Variants in P3H1 observed in about 807,000 individuals in gnomAD.
The protein encoded by P3H1 is prolyl 3-hydroxylase 1.
In P3H1, 69 loss-of-function variants were observed where a neutral mutation model predicts 84.0. That is an observed-to-expected ratio of 0.82 (90% CI 0.68 to 1.00). The LOEUF is 1.00. P3H1 is among the 50% of genes least tolerant of loss of function. The probability of loss-of-function intolerance (pLI) is 0.00; values close to 1 mark genes in which losing one functional copy is unlikely to be tolerated. For synonymous variants in P3H1, 366 were observed against 388.8 expected, an observed-to-expected ratio of 0.94 and a Z score of 0.69; for missense variants, 878 against 962.8, an observed-to-expected ratio of 0.91 and a Z score of 1.17.
Position 42,747,756 on chromosome 1 carries a change from A to G in P3H1, c.1881T>C (p.Phe627=), listed in dbSNP as rs142868351. Residue 627 remains phenylalanine, a synonymous_variant, in exon 13 of 15, where the codon TTT becomes TTC. Coordinates refer to ENST00000296388, the MANE Select transcript of P3H1 (RefSeq NM_022356.4). ...YLNGDFDGGN[F]YFTELDAKTV... Reference sequence around the variant, plus strand: ...TCTTGGCATCCAGTTCAGTGAAATAAAAGTTTCCGCCATCGAAGTCCCCAT... The same window carrying G: ...TCTTGGCATCCAGTTCAGTGAAATAGAAGTTTCCGCCATCGAAGTCCCCAT... 14 of 1,614,048 alleles carry G rather than the reference A, an allele frequency of 8.7e-6. No homozygotes were observed. Among genetic ancestry groups the G allele is most frequent in the Non-Finnish European group, 1.2e-5 (14 of 1,180,034 alleles).
At chr1:42,761,286 A>G (rs746492444) in intron 2 of P3H1, 8 of 152,162 alleles carry the variant, frequency 5.3e-5, no homozygotes, top group Non-Finnish European at 8.8e-5. Context: ...TCATTCTTAT[A>G]TTGTTTCTAA....
chr1:42,750,461 A>T (rs1651974092), intron 10 of P3H1, 125 bp from the exon 11 acceptor site: 17 of 995,526 alleles, frequency 1.7e-5, no homozygotes, highest in Middle Eastern at 2.5e-4. Flanking sequence ...CTGGTGGGAG[A>T]TGACTGAATA....
rs182569260 is a variant in P3H1 at position 42,756,076 on chromosome 1, T to C, written c.1081-439A>G. 4.6e-5 allele frequency among the ~76,000 whole-genome samples: 7 copies of C among 152,312 alleles called. No homozygotes were observed. The East Asian group carries it at 1.4e-3, about 29-fold the overall frequency. On this transcript the variant is annotated intron_variant, in intron 5 of 14. Transcript: ENST00000296388. ...CTTTTATAGCCACATCTGAGGTTGA[T>C]ACTAGTATGCTCATTCTACAGAGGA...
chr1:42,748,644 C>A, intron 11 of P3H1: 1 of 374,192 alleles, frequency 2.7e-6, no homozygotes, highest in Non-Finnish European at 5.2e-6. Flanking sequence ...AATGAGGGAT[C>A]AGGAGGTGGG....
Position 42,750,270 on chromosome 1 carries a change from G to A in P3H1, c.1636C>T (p.Arg546Trp), listed in dbSNP as rs779744195. The A allele has an allele frequency of 1.7e-5, 27 of 1,613,706 alleles. No homozygotes were observed. Among genetic ancestry groups the A allele is most frequent in the South Asian group, 5.5e-5 (5 of 91,008 alleles). Residue 546 changes from arginine to tryptophan, a missense_variant, in exon 11 of 15, where the codon CGG becomes TGG. Physicochemically the swap from Arg to Trp is moderately radical, Grantham distance 101. Coordinates refer to ENST00000296388, the MANE Select transcript of P3H1 (RefSeq NM_022356.4). Reference protein sequence around the residue: ...HLYYNVTEKVRRIMESYFRLD... With the variant: ...HLYYNVTEKVWRIMESYFRLD... ...CGGAAGTAGGACTCCATGATGCGCC[G>A]CACCTTCTCCGTCACGTTGTAGTAC...
At chr1:42,763,084 CA>C (rs879470343) in intron 1 of P3H1, among the ~76,000 whole-genome samples, 1,352 of 122,868 alleles carry the variant, frequency 0.011, 14 homozygotes, top group African/African-American at 0.032. Context: ...GACCCTGACT[CA>C]AAAAAAAAAA....
intron 11 of P3H1, 118 bp from the exon 12 acceptor site, chr1:42,748,435 T>A: frequency 1.2e-6 from 1 of 810,910 alleles, no homozygotes; most frequent in Non-Finnish European, 2.2e-6. Flanking sequence ...CCCAATGAAC[T>A]AGGGGGGTGT....
intron 5 of P3H1, among the ~76,000 whole-genome samples, chr1:42,757,425 A>C (rs1652458933): frequency 6.6e-6 from 1 of 152,248 alleles, no homozygotes; most frequent in Admixed American, 6.5e-5. Flanking sequence ...GAGCAGAAAA[A>C]AAACAACCAG....
At chr1:42,766,021 CCA>C (rs200826653) in intron 1 of P3H1, among the ~76,000 whole-genome samples, 6,989 of 141,210 alleles carry the variant, frequency 0.049, 340 homozygotes, top group African/African-American at 0.11. Flanking sequence ...CCCCCCGCCC[CCA>C]CACACACACA....
chr1:42,750,250 G>T lies in P3H1; in HGVS notation c.1656C>A (p.Tyr552Ter), dbSNP rs72659355. Residue 552 changes from tyrosine to a stop codon, truncating the protein, a stop_gained, in exon 11 of 15, where the codon TAC becomes TAA. Coordinates refer to ENST00000296388, the MANE Select transcript of P3H1 (RefSeq NM_022356.4). LOFTEE classifies it high-confidence loss of function. Reference protein sequence around the residue: ...TEKVRRIMESYFRLDTPLYFS... With the variant: ...TEKVRRIMES ...AGTAGAGGGGCGTATCCAGGCGGAA[G>T]TAGGACTCCATGATGCGCCGCACCT... 1 of 1,613,966 alleles carries T rather than the reference G, an allele frequency of 6.2e-7. No homozygotes were observed. The highest frequency in any genetic ancestry group is 1.1e-5 in the South Asian group (1 of 91,024).
chr1:42,748,231 CTT>C lies in P3H1; in HGVS notation c.1805_1806del (p.Lys602ArgfsTer29). 6.2e-7 allele frequency: 1 copy of C among 1,613,940 alleles called. No individual in the cohort carries two copies. The highest frequency in any genetic ancestry group is 1.6e-4 in the Middle Eastern group (1 of 6,062). On this transcript the variant is annotated frameshift_variant, in exon 12 of 15. Transcript: ENST00000296388. LOFTEE classifies it high-confidence loss of function. Reference sequence around the variant, plus strand: ...TCGCGGAAGGTGTAGGCTGGGGGCTCTTTGACACACACGAGGGTCTCGGCATT... The same window carrying C: ...TCGCGGAAGGTGTAGGCTGGGGGCTCTGACACACACGAGGGTCTCGGCATT... ...ILNAETLVCV[K>X]EPPAYTFRDY...
chr1:42,765,123 CCTCA>C (rs1407365667), intron 1 of P3H1, among the ~76,000 whole-genome samples: 3 of 152,332 alleles, frequency 2.0e-5, no homozygotes, highest in African/African-American at 7.2e-5. Flanking sequence ...CCAAATCTGG[CCTCA>C]CTGACTTTTC....
intron 11 of P3H1, 97 bp from the exon 12 acceptor site, chr1:42,748,414 T>C: frequency 2.2e-6 from 2 of 921,056 alleles, no homozygotes; most frequent in Admixed American, 3.4e-5. Context: ...TGTGTTTGAG[T>C]CTACGGAATG....
intron 1 of P3H1, among the ~76,000 whole-genome samples, chr1:42,764,970 C>A (rs545931552): frequency 6.6e-6 from 1 of 152,300 alleles, no homozygotes; most frequent in Admixed American, 6.5e-5. Context: ...TACTTAACCT[C>A]CTCTCTTGTG....
rs1349545602 is a variant in P3H1, at chr1:42,752,305, A to T, written c.1538T>A (p.Phe513Tyr). Residue 513 changes from phenylalanine (F) to tyrosine (Y), a missense_variant, in exon 10 of 15, where the codon TTC becomes TAC. Coordinates refer to ENST00000296388, the MANE Select transcript of P3H1 (RefSeq NM_022356.4). ...GGCTTTGAAGACAGTGACACCATAG[A>T]ACTTTTCATTGGGAGTATGTGGGGA... ...QTSPHTPNEK[F>Y]YGVTVFKALK... 6.2e-7 allele frequency: 1 copy of T among 1,613,956 alleles called. No individual in the cohort carries two copies. The highest frequency in any genetic ancestry group is 1.3e-5 in the African/African-American group (1 of 74,888).
chr1:42,752,619 T>C lies in P3H1; in HGVS notation c.1391A>G (p.Lys464Arg), dbSNP rs772818283. The stretch of plus-strand genomic sequence containing the variant: ...CACCCGCTGGGAACCATTCAGGAGT[T>C]TGGAGTTCATGGTGAGACTGATGCC... ...YEGISLTMNS[K>R]LLNGSQRVVM... Residue 464 changes from lysine (K) to arginine (R), a missense_variant, in exon 9 of 15, where the codon AAA (lysine) becomes AGA (arginine). Physicochemically the swap from Lys to Arg is conservative, Grantham distance 26. Coordinates refer to ENST00000296388, the MANE Select transcript of P3H1 (RefSeq NM_022356.4). 9.3e-6 allele frequency: 15 copies of C among 1,614,040 alleles called. No homozygotes were observed. The Admixed American group carries it at 1.0e-4, about 11-fold the overall frequency.
chr1:42,748,493 C>T, intron 11 of P3H1, 176 bp from the exon 12 acceptor site: 1 of 667,210 alleles, frequency 1.5e-6, no homozygotes, highest in South Asian at 1.6e-5. Context: ...CTGCAGGCTT[C>T]CTAGGACAGT....
At chr1:42,753,765 A>G (rs1332152192) in intron 8 of P3H1, among the ~76,000 whole-genome samples, 1 of 152,100 alleles carries the variant, frequency 6.6e-6, no homozygotes, top group Non-Finnish European at 1.5e-5. Context: ...TACTAAAAAT[A>G]CAAAAAAATT....
rs144237822 is a variant in P3H1, at chr1:42,753,693, C to T, written c.1346-1029G>A. On this transcript the variant is annotated intron_variant, in intron 8 of 14. Transcript: ENST00000296388. ...ATCTCAGCACTTTGGGAGGCCAGGGCGGGTGGATCACAAGGTCAGGAGTTT... is the reference window on the plus strand; with the variant it reads ...ATCTCAGCACTTTGGGAGGCCAGGGTGGGTGGATCACAAGGTCAGGAGTTT... 9.7e-3 allele frequency among the ~76,000 whole-genome samples: 1,470 copies of T among 152,128 alleles called. 26 individuals carry two copies. The highest frequency in any genetic ancestry group is 0.034 in the African/African-American group (1,417 of 41,486).
Sources: allele counts gnomAD v4.1 joint callset (sites outside exome capture counted in the v4.1 genomes callset), GRCh38; gene constraint gnomAD v4.1.1; transcripts MANE v1.5; gene names NCBI Gene and HGNC (gene_info 2026-07-23, HGNC 2026-07-21).